ZNRF3: variants seen among roughly 807,000 people sequenced by gnomAD.
ZNRF3 encodes the protein E3 ubiquitin-protein ligase ZNRF3.
ZNRF3 carries 23 observed loss-of-function variants against 72.5 expected under a neutral mutation model. The ratio of observed to expected loss-of-function variants is 0.32; its 90% confidence interval spans 0.23 to 0.45. The LOEUF (loss-of-function observed/expected upper bound fraction) is 0.45. Among genes scored for constraint, ZNRF3 ranks in the 20% least tolerant of loss-of-function variants. The pLI is 1.00. For missense variants in ZNRF3, 1,169 were observed against 1,272.1 expected (o/e 0.92, Z 1.23); for synonymous variants, 610 against 545.3 (o/e 1.12, Z -1.65).
At chr22:28,903,422 T>G (rs1294247863) in intron 1 of ZNRF3, among the ~76,000 whole-genome samples, 2 of 152,194 alleles carry the variant, frequency 1.3e-5, no homozygotes, top group African/African-American at 4.8e-5. Context: ...TACGTGGGAC[T>G]TGGGGCAAGC....
rs137880745 is a variant in ZNRF3 at position 28,994,385 on chromosome 22, C to T, written c.426+7184C>T. Among the ~76,000 whole-genome samples the T allele has an allele frequency of 7.0e-3, 1,062 of 151,246 alleles. 7 individuals are homozygous for T. Among genetic ancestry groups the T allele is most frequent in the Non-Finnish European group, 0.01 (702 of 67,754 alleles). On this transcript the variant is annotated intron_variant, in intron 2 of 8. Transcript: ENST00000544604. ...TTATATTTTTTATTTTTAGTAGAGACGGGGTTTCTCCATGGTGGTCGGGCT... is the reference window on the plus strand; with the variant it reads ...TTATATTTTTTATTTTTAGTAGAGATGGGGTTTCTCCATGGTGGTCGGGCT...
Position 29,050,010 on chromosome 22 carries a change from CGGG to C in ZNRF3, c.1833_1835del (p.Gly612del). 1 of 1,611,176 alleles carries C rather than the reference CGGG, an allele frequency of 6.2e-7. No homozygotes were observed. The highest frequency in any genetic ancestry group is 8.5e-7 in the Non-Finnish European group (1 of 1,179,240). Reference sequence around the variant, plus strand: ...CGGAGCCCCTGTCGTGCCAGTGAGGCGGGGGGCTCGGGCAGCTCGGGCCGGGGA... The same window carrying C: ...CGGAGCCCCTGTCGTGCCAGTGAGGCGGGCTCGGGCAGCTCGGGCCGGGGA... On this transcript the variant is annotated inframe_deletion, in exon 8 of 9. Transcript: ENST00000544604.
At chr22:29,028,067 A>G (rs914165755) in intron 2 of ZNRF3, among the ~76,000 whole-genome samples, 1 of 152,208 alleles carries the variant, frequency 6.6e-6, no homozygotes, top group Non-Finnish European at 1.5e-5. Context: ...AAACTCTACT[A>G]ATACAAAATC....
At chr22:28,933,588 C>T (rs1476485013) in intron 1 of ZNRF3, among the ~76,000 whole-genome samples, 2 of 152,144 alleles carry the variant, frequency 1.3e-5, no homozygotes, top group Non-Finnish European at 2.9e-5. Flanking sequence ...GATGCTAGAA[C>T]AGGATGAGAA....
At position 29,054,721 on chromosome 22, in the gene ZNRF3, C is replaced by G. The variant is rs542773854; in HGVS notation, c.*1099C>G. 6.5e-6 allele frequency: 1 copy of G among 152,680 alleles called. No homozygotes were observed. Among genetic ancestry groups the G allele is most frequent in the African/African-American group, 2.4e-5 (1 of 41,458 alleles). 9.5% of individuals were successfully genotyped at this position (152,680 alleles called of 1,614,324 possible). ...CCCAGCAGCACACCCATGTGCAGTGCGCCTGCATCTGTGTGGGGGCAGCCA... is the reference window on the plus strand; with the variant it reads ...CCCAGCAGCACACCCATGTGCAGTGGGCCTGCATCTGTGTGGGGGCAGCCA... On this transcript the variant is annotated 3_prime_UTR_variant, in exon 9 of 9. Coordinates refer to ENST00000544604, the MANE Select transcript of ZNRF3 (RefSeq NM_001206998.2).
rs1041504582 is a variant in ZNRF3 at position 29,030,924 on chromosome 22, G to C, written c.427-11571G>C. ...CCAGGGAAACCTGGAAGGTCAGGCCGGGCTGCAGCCAAGCCCTGGAGCGAG... is the reference window on the plus strand; with the variant it reads ...CCAGGGAAACCTGGAAGGTCAGGCCCGGCTGCAGCCAAGCCCTGGAGCGAG... On this transcript the variant is annotated intron_variant, in intron 2 of 8. Transcript: ENST00000544604. This position sits in a 1 kb window ranked among gnomAD's most constrained non-coding sequence, Gnocchi z 4.2. Among the ~76,000 whole-genome samples the C allele has an allele frequency of 2.6e-5, 4 of 152,158 alleles. No individual in the cohort carries two copies. The highest frequency in any genetic ancestry group is 9.7e-5 in the African/African-American group (4 of 41,440).
chr22:28,920,614 C>T lies in ZNRF3; in HGVS notation c.300+36548C>T, dbSNP rs1041910246. On this transcript the variant is annotated intron_variant, in intron 1 of 8. Coordinates refer to ENST00000544604, the MANE Select transcript of ZNRF3 (RefSeq NM_001206998.2). ...AGTTATATTTCAATACACATGAGTG[C>T]GTTTTGCCTTGCGGTTACTGAAAAG... Among the ~76,000 whole-genome samples the T allele has an allele frequency of 3.9e-5, 6 of 152,196 alleles. No homozygotes were observed. The East Asian group carries it at 5.8e-4, about 15-fold the overall frequency.
chr22:28,937,050 G>A (rs939400490), intron 1 of ZNRF3, among the ~76,000 whole-genome samples: 1 of 151,778 alleles, frequency 6.6e-6, no homozygotes, highest in African/African-American at 2.4e-5. Flanking sequence ...GTGCAAATGA[G>A]TCTCTATCTT....
intron 1 of ZNRF3, among the ~76,000 whole-genome samples, chr22:28,884,284 T>A (rs1259701845): frequency 6.6e-6 from 1 of 152,008 alleles, no homozygotes; most frequent in Non-Finnish European, 1.5e-5. Context: ...CTAGAGCTCC[T>A]GTGAACCCCG....
intron 1 of ZNRF3, among the ~76,000 whole-genome samples, chr22:28,975,230 G>A (rs544226147): frequency 3.3e-4 from 50 of 152,142 alleles, no homozygotes; most frequent in African/African-American, 1.1e-3. Flanking sequence ...CAGGCCAGGC[G>A]CAGTGGCTCA....
chr22:28,944,512 T>C (rs767485028), intron 1 of ZNRF3, among the ~76,000 whole-genome samples: 4 of 152,188 alleles, frequency 2.6e-5, no homozygotes, highest in Admixed American at 6.5e-5. Context: ...CCCAGCACTC[T>C]GGGAGGCCGA....
chr22:28,950,269 C>T (rs536806289), intron 1 of ZNRF3, among the ~76,000 whole-genome samples: 4 of 152,282 alleles, frequency 2.6e-5, no homozygotes, highest in South Asian at 4.1e-4. Flanking sequence ...CTCCACCCAC[C>T]GCCCCCTGCC....
rs2036727783 is a variant in ZNRF3, at chr22:29,030,623, C to T, written c.427-11872C>T. ...TTCTCCCGGTGGGGAGGGGCGCGGCCGGTGGCGAGGAGGGCACTTTCCCGG... is the reference window on the plus strand; with the variant it reads ...TTCTCCCGGTGGGGAGGGGCGCGGCTGGTGGCGAGGAGGGCACTTTCCCGG... On this transcript the variant is annotated intron_variant, in intron 2 of 8. Transcript: ENST00000544604. The surrounding 1 kb of genome is among the most constrained non-coding windows in gnomAD (Gnocchi z 4.2). 6.9e-6 allele frequency among the ~76,000 whole-genome samples: 1 copy of T among 145,692 alleles called. No individual in the cohort carries two copies. Among genetic ancestry groups the T allele is most frequent in the African/African-American group, 2.6e-5 (1 of 38,904 alleles).
rs767740185 is a variant in ZNRF3 at position 29,050,492 on chromosome 22, G to C, written c.2311G>C (p.Gly771Arg). ...CCCCGACCATTTGCCCAGGACAGATGGGGTGAAATACGAGGGTCTGCCCTG... is the reference window on the plus strand; with the variant it reads ...CCCCGACCATTTGCCCAGGACAGATCGGGTGAAATACGAGGGTCTGCCCTG... ...LHPDHLPRTD[G>R]VKYEGLPCCF... Residue 771 changes from glycine (G) to arginine (R), a missense_variant, in exon 8 of 9, where the codon GGG becomes CGG. Gly to Arg is a moderately radical substitution (Grantham distance 125). Transcript: ENST00000544604. The C allele has an allele frequency of 1.2e-6, 2 of 1,612,818 alleles. No homozygotes were observed. Among genetic ancestry groups the C allele is most frequent in the South Asian group, 2.2e-5 (2 of 91,058 alleles).
chr22:29,023,774 C>A (rs558590989), intron 2 of ZNRF3, among the ~76,000 whole-genome samples: 78 of 152,308 alleles, frequency 5.1e-4, no homozygotes, highest in Admixed American at 1.3e-3. Context: ...ATCAGTCTTT[C>A]CAAATGTCCC....
chr22:29,051,089 A>T, intron 8 of ZNRF3, 141 bp downstream of exon 8: 1 of 962,638 alleles, frequency 1.0e-6, no homozygotes, highest in Non-Finnish European at 1.5e-6. Flanking sequence ...TCCAAGGGTT[A>T]CTCCTCAGCC....
intron 1 of ZNRF3, among the ~76,000 whole-genome samples, chr22:28,971,049 T>C (rs2035566226): frequency 6.6e-6 from 1 of 152,154 alleles, no homozygotes; most frequent in African/African-American, 2.4e-5. Flanking sequence ...TTTTTTGGGA[T>C]GTGGTGGCAC....
At chr22:29,008,054 C>T (rs1365272238) in intron 2 of ZNRF3, among the ~76,000 whole-genome samples, 1 of 152,132 alleles carries the variant, frequency 6.6e-6, no homozygotes, top group Non-Finnish European at 1.5e-5. Flanking sequence ...CGGCGCCCGG[C>T]TCAGAAATTC....
At chr22:28,950,304 C>A (rs558346523) in intron 1 of ZNRF3, among the ~76,000 whole-genome samples, 1 of 152,296 alleles carries the variant, frequency 6.6e-6, no homozygotes, top group South Asian at 2.1e-4. Flanking sequence ...GGGATGAGAA[C>A]CACTGGGCTA....
Sources: allele counts gnomAD v4.1 joint callset (sites outside exome capture counted in the v4.1 genomes callset), GRCh38; gene constraint gnomAD v4.1.1; non-coding constraint Gnocchi (gnomAD v3.1); transcripts MANE v1.5; gene names NCBI Gene and HGNC (gene_info 2026-07-23, HGNC 2026-07-21).